Variants in C2orf42 observed in about 807,000 individuals in gnomAD.
C2orf42 encodes uncharacterized protein C2orf42.
In C2orf42, 44 loss-of-function variants were observed where a neutral mutation model predicts 58.9. The observed-to-expected ratio is 0.75, with a 90% CI of 0.59 to 0.96. C2orf42 has a LOEUF of 0.96. Among genes scored for constraint, C2orf42 ranks in the 40% least tolerant of loss-of-function variants. The probability of loss-of-function intolerance (pLI) is 0.00; values close to 1 mark genes in which losing one functional copy is unlikely to be tolerated. For synonymous variants in C2orf42, 239 were observed against 265.4 expected, an observed-to-expected ratio of 0.90 and a Z score of 0.97; for missense variants, 630 against 699.2, an observed-to-expected ratio of 0.90 and a Z score of 1.12.
At chr2:70,167,075 G>A (rs1444641048) in intron 6 of C2orf42, among the ~76,000 whole-genome samples, 1 of 151,998 alleles carries the variant, frequency 6.6e-6, no homozygotes, top group Non-Finnish European at 1.5e-5. Flanking sequence ...AAAGAACCTT[G>A]CGGCCAGGCA....
chr2:70,158,006 G>C (rs1192669992), intron 9 of C2orf42, among the ~76,000 whole-genome samples: 3 of 152,090 alleles, frequency 2.0e-5, no homozygotes, highest in Admixed American at 6.6e-5. Flanking sequence ...TTCGACATCA[G>C]CCTGGTTAAC....
intron 8 of C2orf42, among the ~76,000 whole-genome samples, chr2:70,161,108 C>T (rs1315041277): frequency 2.0e-5 from 3 of 152,152 alleles, no homozygotes; most frequent in Non-Finnish European, 4.4e-5. Context: ...CATTCCTTCC[C>T]CTACTGCTCT....
chr2:70,155,197 C>T (rs1167930117), intron 9 of C2orf42, among the ~76,000 whole-genome samples: 20 of 151,674 alleles, frequency 1.3e-4, no homozygotes, highest in African/African-American at 4.1e-4. Flanking sequence ...TGAGCAAGAT[C>T]GCACCACTGC....
chr2:70,162,168 C>T (rs1464382257), intron 8 of C2orf42, among the ~76,000 whole-genome samples: 1 of 151,684 alleles, frequency 6.6e-6, no homozygotes, highest in African/African-American at 2.4e-5. Flanking sequence ...CAAGCCACCA[C>T]GCCCGGCTAA....
At chr2:70,170,610 CT>C (rs111842861) in intron 5 of C2orf42, among the ~76,000 whole-genome samples, 27 of 151,544 alleles carry the variant, frequency 1.8e-4, no homozygotes, top group African/African-American at 6.5e-4. Context: ...CAAAAATTAG[CT>C]GGGCGTGGTG....
intron 3 of C2orf42, among the ~76,000 whole-genome samples, chr2:70,180,394 G>C (rs1310360444): frequency 6.6e-6 from 1 of 151,650 alleles, no homozygotes; most frequent in African/African-American, 2.4e-5. Context: ...GATCACCTGA[G>C]GCCAGGAGTT....
At chr2:70,164,601 C>T (rs1673279919) in intron 8 of C2orf42, among the ~76,000 whole-genome samples, 1 of 151,958 alleles carries the variant, frequency 6.6e-6, no homozygotes, top group Non-Finnish European at 1.5e-5. Flanking sequence ...CACTGCACTC[C>T]AGCCTGGGTG....
At chr2:70,165,995 A>G (rs13028186) in intron 6 of C2orf42, among the ~76,000 whole-genome samples, 32,705 of 151,534 alleles carry the variant, frequency 0.22, 3,786 homozygotes, top group Non-Finnish European at 0.24. Context: ...GGTTCAAGCA[A>G]TCCTCCTGCC....
intron 9 of C2orf42, among the ~76,000 whole-genome samples, chr2:70,153,496 C>T (rs1323981194): frequency 1.3e-5 from 2 of 150,500 alleles, no homozygotes; most frequent in Non-Finnish European, 3.0e-5. Flanking sequence ...GTAGCTGGGA[C>T]TACAGGCGCC....
chr2:70,172,629 C>T (rs988855303), intron 5 of C2orf42, among the ~76,000 whole-genome samples: 6 of 152,054 alleles, frequency 3.9e-5, no homozygotes, highest in African/African-American at 1.4e-4. Context: ...GCTGTATCCC[C>T]GCCACTGCGC....
intron 1 of C2orf42, among the ~76,000 whole-genome samples, chr2:70,188,997 A>T (rs1192019830): frequency 6.6e-6 from 1 of 152,210 alleles, no homozygotes; most frequent in Non-Finnish European, 1.5e-5. Flanking sequence ...TATTTGTAGC[A>T]GCAAAATATA....
chr2:70,187,036 T>C (rs950657772), intron 1 of C2orf42, among the ~76,000 whole-genome samples: 1 of 151,972 alleles, frequency 6.6e-6, no homozygotes, highest in Non-Finnish European at 1.5e-5. Flanking sequence ...CACACCAGCA[T>C]GGCACATGTA....
At position 70,150,036 on chromosome 2, in the gene C2orf42, GAA is replaced by G. The variant is rs1268301063; in HGVS notation, c.*318_*319del. The G allele has an allele frequency of 2.8e-6, 1 of 359,340 alleles. No individual in the cohort carries two copies. 22.3% of individuals were successfully genotyped at this position (359,340 alleles called of 1,614,324 possible). On this transcript the variant is annotated 3_prime_UTR_variant, in exon 10 of 10. Transcript: ENST00000264434. The stretch of plus-strand genomic sequence containing the variant: ...GGCTGAGTGCTGCAGATTTCTCAGA[GAA>G]TTAGCAAAAGGTTGAAATAAACGCT...
intron 1 of C2orf42, among the ~76,000 whole-genome samples, chr2:70,185,809 A>T (rs976246485): frequency 8.6e-5 from 13 of 151,620 alleles, no homozygotes; most frequent in South Asian, 4.1e-4. Flanking sequence ...ATATATATAT[A>T]TTTTAAGGAA....
rs146535888 is a variant in C2orf42 at position 70,184,623 on chromosome 2, G to T, written c.-281-1688C>A. The stretch of plus-strand genomic sequence containing the variant: ...AGACTCTCAAATAGCTGAGACCACA[G>T]GTACGTGCCACTACACTCAGCTAAT... On this transcript the variant is annotated intron_variant, in intron 1 of 9. Coordinates refer to ENST00000264434, the MANE Select transcript of C2orf42 (RefSeq NM_017880.3). Among the ~76,000 whole-genome samples the T allele has an allele frequency of 2.7e-4, 41 of 150,824 alleles. 2 individuals carry two copies. In the East Asian group the frequency reaches 7.3e-3, roughly 27 times the overall value.
Position 70,181,460 on chromosome 2 carries a change from G to A in C2orf42, c.526C>T (p.Pro176Ser), listed in dbSNP as rs765291466. 6.2e-7 allele frequency: 1 copy of A among 1,613,952 alleles called. No homozygotes were observed. Among genetic ancestry groups the A allele is most frequent in the Non-Finnish European group, 8.5e-7 (1 of 1,180,004 alleles). Residue 176 changes from proline to serine, a missense_variant, in exon 3 of 10, where the codon CCC becomes TCC. Coordinates refer to ENST00000264434, the MANE Select transcript of C2orf42 (RefSeq NM_017880.3). ...ATTCTCTGCACCAGAGGACCTGTGG[G>A]TTCCGTGGCCAACTGCCAGATGGTC... The part of the protein sequence containing the change: ...KQTIWQLATE[P>S]TGPLVQRITK...
intron 9 of C2orf42, among the ~76,000 whole-genome samples, chr2:70,153,717 T>C (rs1377630727): frequency 6.7e-6 from 1 of 148,478 alleles, no homozygotes; most frequent in African/African-American, 2.5e-5. Context: ...AGTAAACAGC[T>C]AGAAGAATCA....
chr2:70,175,827 T>C (rs777929039), intron 4 of C2orf42, 50 bp from the exon 5 acceptor site: 3 of 1,115,350 alleles, frequency 2.7e-6, no homozygotes, highest in Admixed American at 3.5e-5. Context: ...TAAATATAAA[T>C]TGATTTGATG....
At chr2:70,180,113 G>A (rs909883457) in intron 3 of C2orf42, among the ~76,000 whole-genome samples, 2 of 152,060 alleles carry the variant, frequency 1.3e-5, no homozygotes, top group Admixed American at 1.3e-4. Flanking sequence ...CCAACATGGT[G>A]AAACCTCATC....
Sources: allele counts gnomAD v4.1 joint callset (sites outside exome capture counted in the v4.1 genomes callset), GRCh38; gene constraint gnomAD v4.1.1; transcripts MANE v1.5; gene names NCBI Gene and HGNC (gene_info 2026-07-23, HGNC 2026-07-21).